Variants in DNAH14 observed in about 807,000 individuals in gnomAD.
The protein encoded by DNAH14 is axonemal beta dynein heavy chain 14.
A neutral mutation model predicts 520.9 loss-of-function variants in DNAH14; 478 were observed. The observed-to-expected ratio is 0.92, with a 90% CI of 0.85 to 0.99. The LOEUF (loss-of-function observed/expected upper bound fraction) is 0.99, where lower values mean the gene tolerates loss of function less well. Ranked by LOEUF, DNAH14 falls within the 50% of genes least tolerant of loss-of-function variation. The probability of loss-of-function intolerance (pLI) is 0.00; values close to 1 mark genes in which losing one functional copy is unlikely to be tolerated. For synonymous variants in DNAH14, 1,581 were observed against 1,757.2 expected (o/e 0.90, Z 2.51); for missense variants, 4,831 against 5,234.5 (o/e 0.92, Z 2.38).
chr1:225,249,216 C>T (rs1236566081), intron 43 of DNAH14, among the ~76,000 whole-genome samples: 1 of 152,134 alleles, frequency 6.6e-6, no homozygotes, highest in African/African-American at 2.4e-5. Flanking sequence ...CCATTATATT[C>T]CTACTTAATT....
chr1:224,968,500 G>C (rs2061326271), intron 6 of DNAH14, among the ~76,000 whole-genome samples: 1 of 152,074 alleles, frequency 6.6e-6, no homozygotes, highest in Non-Finnish European at 1.5e-5. Flanking sequence ...AGTATCTCAG[G>C]GTGAGGAGGA....
chr1:225,290,712 C>A (rs2093866906), intron 55 of DNAH14, among the ~76,000 whole-genome samples: 2 of 105,974 alleles, frequency 1.9e-5, no homozygotes, highest in Admixed American at 1.1e-4. Context: ...AAGTCTGTGG[C>A]TTGTCTATTT....
At chr1:225,331,167 C>G (rs1436031983) in intron 64 of DNAH14, among the ~76,000 whole-genome samples, 3 of 151,486 alleles carry the variant, frequency 2.0e-5, no homozygotes, top group Non-Finnish European at 4.4e-5. Context: ...AAAAATAAAT[C>G]AGAAATTGAT....
chr1:225,181,420 AC>A (rs1478461587), intron 36 of DNAH14, among the ~76,000 whole-genome samples: 3 of 152,184 alleles, frequency 2.0e-5, no homozygotes, highest in Admixed American at 2.0e-4. Context: ...TTCCACAGTG[AC>A]TGAACTAATT....
intron 34 of DNAH14, among the ~76,000 whole-genome samples, 185 bp from the exon 35 acceptor site, chr1:225,159,129 G>C (rs1362274288): frequency 6.6e-6 from 1 of 152,174 alleles, no homozygotes; most frequent in Non-Finnish European, 1.5e-5. Flanking sequence ...AGACCAGTCA[G>C]AGCCTATTTC....
In DNAH14 at chr1:225,331,475, A is replaced by T; in HGVS notation, c.9762A>T (p.Lys3254Asn). 1 of 1,551,564 alleles carries T rather than the reference A, an allele frequency of 6.4e-7. No individual in the cohort carries two copies. The highest frequency in any genetic ancestry group is 8.7e-7 in the Non-Finnish European group (1 of 1,146,894). ...EHLLFLQAAY[K>N]DTVAEKQLLA... is the part of the protein sequence containing the mutation. ...TGCTGTTTTTACAGGCAGCTTACAA[A>T]GATACCGTTGCTGAAAAACAACTAT... The change falls in exon 65 of 86, where the codon AAA becomes AAT. Residue 3254 changes from lysine (K) to asparagine (N), a missense_variant. By Grantham distance (94) the Lys-to-Asn change is moderately conservative (BLOSUM62 0). Coordinates refer to ENST00000682510, the MANE Select transcript of DNAH14 (RefSeq NM_001367479.1).
intron 37 of DNAH14, among the ~76,000 whole-genome samples, chr1:225,189,945 T>C (rs1019439279): frequency 4.6e-5 from 7 of 152,024 alleles, no homozygotes; most frequent in Middle Eastern, 3.4e-3. Flanking sequence ...TTTTTACTCA[T>C]TTTTAAAATA....
intron 36 of DNAH14, among the ~76,000 whole-genome samples, chr1:225,171,632 C>G (rs1385995929): frequency 6.6e-6 from 1 of 152,130 alleles, no homozygotes; most frequent in Non-Finnish European, 1.5e-5. Flanking sequence ...TAATTAATAG[C>G]TTACCAACCA....
intron 69 of DNAH14, among the ~76,000 whole-genome samples, chr1:225,342,133 G>A (rs560830131): frequency 6.6e-6 from 1 of 152,240 alleles, no homozygotes; most frequent in African/African-American, 2.4e-5. Context: ...TGAAAGGCAA[G>A]TCCATTTGTT....
At chr1:225,097,052 A>G in intron 21 of DNAH14, 66 bp from the exon 22 acceptor site, 1 of 1,339,502 alleles carries the variant, frequency 7.5e-7, no homozygotes, top group Non-Finnish European at 1.0e-6. Context: ...TGTTTCTGTT[A>G]TGTAACTCTT....
At position 225,258,106 on chromosome 1, in the gene DNAH14, G is replaced by A; in HGVS notation, c.7012G>A (p.Val2338Ile). The A allele has an allele frequency of 1.3e-6, 2 of 1,525,738 alleles. No individual in the cohort carries two copies. The highest frequency in any genetic ancestry group is 1.8e-6 in the Non-Finnish European group (2 of 1,139,408). 94.5% of individuals were successfully genotyped at this position (1,525,738 alleles called of 1,614,324 possible). ...MSLLLKNSCP[V>I]LLTGESGVGK... The stretch of plus-strand genomic sequence containing the variant: ...CCTTCTTTTAAAGAATTCCTGCCCT[G>A]TACTTCTCACAGGTATTACAAATAT... Residue 2338 changes from valine (V) to isoleucine (I), a missense_variant, in exon 45 of 86, where the codon GTA (valine) becomes ATA (isoleucine). Coordinates refer to ENST00000682510, the MANE Select transcript of DNAH14 (RefSeq NM_001367479.1).
intron 30 of DNAH14, 46 bp downstream of exon 30, chr1:225,145,425 A>G: frequency 7.5e-7 from 1 of 1,341,664 alleles, no homozygotes; most frequent in Non-Finnish European, 1.0e-6. Context: ...GTACACATAA[A>G]ACATAAAACA....
intron 8 of DNAH14, among the ~76,000 whole-genome samples, chr1:224,999,476 A>C (rs2063608847): frequency 6.6e-6 from 1 of 152,140 alleles, no homozygotes; most frequent in Non-Finnish European, 1.5e-5. Context: ...GAGTGCTGGG[A>C]TTACAGGTGT....
At chr1:225,280,492 G>T (rs529206207) in intron 54 of DNAH14, among the ~76,000 whole-genome samples, 1 of 151,888 alleles carries the variant, frequency 6.6e-6, no homozygotes, top group Admixed American at 6.6e-5. Context: ...CCAGCTACTC[G>T]GGAGGCTGAG....
intron 27 of DNAH14, among the ~76,000 whole-genome samples, chr1:225,138,429 G>A (rs1261768241): frequency 6.6e-6 from 1 of 152,240 alleles, no homozygotes; most frequent in Non-Finnish European, 1.5e-5. Context: ...CCTGTGAGGT[G>A]CCATGGAAGT....
chr1:224,972,987 G>A lies in DNAH14; in HGVS notation c.768-1104G>A, dbSNP rs34910401. On this transcript the variant is annotated intron_variant, in intron 7 of 85. Transcript: ENST00000682510. The stretch of plus-strand genomic sequence containing the variant: ...CAGATACTCCTTACACTATCACTGG[G>A]TTCCCCTCTGATTCTTATGGATTTT... 6.9e-3 allele frequency among the ~76,000 whole-genome samples: 1,053 copies of A among 152,172 alleles called. 7 individuals carry two copies. The highest frequency in any genetic ancestry group is 0.02 in the Middle Eastern group (6 of 294).
intron 60 of DNAH14, among the ~76,000 whole-genome samples, chr1:225,316,502 C>G (rs1174839949): frequency 6.6e-6 from 1 of 152,198 alleles, no homozygotes; most frequent in Non-Finnish European, 1.5e-5. Flanking sequence ...AGGGAATCTC[C>G]TGGTCTGCGG....
Position 225,331,519 on chromosome 1 carries a change from T to C in DNAH14, c.9806T>C (p.Met3269Thr). 1 of 1,551,442 alleles carries C rather than the reference T, an allele frequency of 6.4e-7. No homozygotes were observed. The highest frequency in any genetic ancestry group is 8.7e-7 in the Non-Finnish European group (1 of 1,146,850). Residue 3269 changes from methionine (M) to threonine (T), a missense_variant, in exon 65 of 86, where the codon ATG becomes ACG. Coordinates refer to ENST00000682510, the MANE Select transcript of DNAH14 (RefSeq NM_001367479.1). Reference sequence around the variant, plus strand: ...CAACTATTAGCAAATCGGAAAACAATGGCCAGCAGGCGCTTTCAGTGTGCG... The same window carrying C: ...CAACTATTAGCAAATCGGAAAACAACGGCCAGCAGGCGCTTTCAGTGTGCG... ...EKQLLANRKT[M>T]ASRRFQCASV...
chr1:225,389,303 A>C (rs2095876385), intron 82 of DNAH14, among the ~76,000 whole-genome samples: 2 of 152,208 alleles, frequency 1.3e-5, no homozygotes, highest in African/African-American at 4.8e-5. Context: ...TCACAACTAG[A>C]ATATGGAAGT....
Sources: allele counts gnomAD v4.1 joint callset (sites outside exome capture counted in the v4.1 genomes callset), GRCh38; gene constraint gnomAD v4.1.1; transcripts MANE v1.5; gene names NCBI Gene and HGNC (gene_info 2026-07-23, HGNC 2026-07-21).